STXBP5L: variants seen among roughly 807,000 people sequenced by gnomAD.
The protein encoded by STXBP5L is syntaxin-binding protein 5-like.
A neutral mutation model predicts 144.5 loss-of-function variants in STXBP5L; 65 were observed. The ratio of observed to expected loss-of-function variants is 0.45; its 90% CI spans 0.37 to 0.55. The LOEUF (loss-of-function observed/expected upper bound fraction) is 0.55, where lower values mean the gene tolerates loss of function less well. Among genes scored for constraint, STXBP5L ranks in the 20% least tolerant of loss-of-function variants. The pLI, the probability that STXBP5L is intolerant of heterozygous loss-of-function variation, is 0.00. For missense variants in STXBP5L, 1,298 were observed against 1,405.5 expected, an observed-to-expected ratio of 0.92 and a Z score of 1.22; for synonymous variants, 505 against 469.6, an observed-to-expected ratio of 1.08 and a Z score of -0.97.
At chr3:120,975,024 G>A (rs1430631627) in intron 3 of STXBP5L, among the ~76,000 whole-genome samples, 2 of 152,036 alleles carry the variant, frequency 1.3e-5, no homozygotes, top group South Asian at 2.1e-4. Context: ...TTGGCGATGC[G>A]GGCTCTTTTT....
At chr3:121,009,542 A>C (rs1332921537) in intron 3 of STXBP5L, among the ~76,000 whole-genome samples, 1 of 151,846 alleles carries the variant, frequency 6.6e-6, no homozygotes, top group East Asian at 1.9e-4. Flanking sequence ...TTACTGTACC[A>C]CCTTATGGAG....
chr3:121,302,531 G>A (rs994132851), intron 19 of STXBP5L, among the ~76,000 whole-genome samples: 2 of 151,932 alleles, frequency 1.3e-5, no homozygotes, highest in Non-Finnish European at 1.5e-5. Flanking sequence ...GGTTTTTTAT[G>A]TCTCTATCTC....
intron 5 of STXBP5L, among the ~76,000 whole-genome samples, chr3:121,088,154 A>C (rs1379156911): frequency 6.7e-6 from 1 of 150,366 alleles, no homozygotes; most frequent in East Asian, 1.9e-4. Flanking sequence ...GTGAACAGGC[A>C]AACTACAACA....
chr3:121,413,197 G>T lies in STXBP5L; in HGVS notation c.2988G>T (p.Leu996Phe), dbSNP rs750942555. ...SLRPMLDVNYLPLTDMRIART... is the reference protein window; with the variant it reads ...SLRPMLDVNYFPLTDMRIART... ...GCCCAATGTTGGATGTTAATTATTT[G>T]CCACTGACAGACATGAGGATAGCAC... The change falls in exon 24 of 27, where the codon TTG becomes TTT. Residue 996 changes from leucine (L) to phenylalanine (F), a missense_variant. By Grantham distance (22) the Leu-to-Phe change is conservative. Coordinates refer to ENST00000471454, the MANE Select transcript of STXBP5L (RefSeq NM_001308330.2). 4 of 1,605,502 alleles carry T rather than the reference G, an allele frequency of 2.5e-6. No homozygotes were observed. The highest frequency in any genetic ancestry group is 2.3e-5 in the East Asian group (1 of 44,380).
chr3:121,184,628 T>C, intron 9 of STXBP5L, among the ~76,000 whole-genome samples: 1 of 152,106 alleles, frequency 6.6e-6, no homozygotes, highest in Non-Finnish European at 1.5e-5. Context: ...GGAACCAAGT[T>C]GGAAAACACT....
chr3:120,935,397 T>A (rs1241930879), intron 2 of STXBP5L, among the ~76,000 whole-genome samples: 2 of 151,238 alleles, frequency 1.3e-5, no homozygotes, highest in Non-Finnish European at 3.0e-5. Flanking sequence ...AAAAAAAATC[T>A]GTTAGCTCAA....
chr3:121,041,925 G>T (rs1947185230), intron 4 of STXBP5L, 144 bp downstream of exon 4: 3 of 583,622 alleles, frequency 5.1e-6, no homozygotes, highest in Non-Finnish European at 3.0e-6. Context: ...TTTCACAAAA[G>T]ACTGTACTCC....
intron 3 of STXBP5L, among the ~76,000 whole-genome samples, chr3:120,978,399 C>G (rs1462927038): frequency 6.6e-6 from 1 of 152,214 alleles, no homozygotes; most frequent in Non-Finnish European, 1.5e-5. Context: ...GCTCCATCAG[C>G]TCCTTTAAGC....
At chr3:121,223,815 G>A (rs893660891) in intron 11 of STXBP5L, among the ~76,000 whole-genome samples, 2 of 152,036 alleles carry the variant, frequency 1.3e-5, no homozygotes, top group Admixed American at 1.3e-4. Context: ...TAATAATGTG[G>A]CCAGGTGTGG....
intron 8 of STXBP5L, among the ~76,000 whole-genome samples, chr3:121,154,625 G>A (rs2046051228): frequency 6.6e-6 from 1 of 151,234 alleles, no homozygotes; most frequent in Non-Finnish European, 1.5e-5. Flanking sequence ...ATACTTTCTA[G>A]TGTTTATATT....
chr3:121,014,862 AT>A (rs985616118), intron 3 of STXBP5L, among the ~76,000 whole-genome samples: 1 of 152,088 alleles, frequency 6.6e-6, no homozygotes, highest in Non-Finnish European at 1.5e-5. Flanking sequence ...TAATAATTAT[AT>A]TTTTATGTGA....
Position 120,934,377 on chromosome 3 carries a change from A to G in STXBP5L, c.190-20563A>G, listed in dbSNP as rs575375536. 1.4e-4 allele frequency among the ~76,000 whole-genome samples: 22 copies of G among 152,030 alleles called. No individual in the cohort carries two copies. In the East Asian group the frequency reaches 1.7e-3, roughly 12 times the overall value. ...TTAGAGCATACTTTGTTTGGTTTCT[A>G]TTCTTTTAAATTTGTTAAGGTATGT... On this transcript the variant is annotated intron_variant, in intron 2 of 26. Coordinates refer to ENST00000471454, the MANE Select transcript of STXBP5L (RefSeq NM_001308330.2).
intron 9 of STXBP5L, among the ~76,000 whole-genome samples, chr3:121,187,742 C>A (rs1296948065): frequency 2.0e-5 from 3 of 151,952 alleles, no homozygotes; most frequent in African/African-American, 7.3e-5. Context: ...AAGACATAGT[C>A]TGGCAAATTG....
intron 9 of STXBP5L, among the ~76,000 whole-genome samples, chr3:121,166,630 G>C (rs1003395912): frequency 1.3e-5 from 2 of 152,116 alleles, no homozygotes; most frequent in African/African-American, 4.8e-5. Flanking sequence ...TTTATTGGAA[G>C]TATAAAGCTG....
At chr3:121,161,008 A>G (rs1174564068) in intron 9 of STXBP5L, among the ~76,000 whole-genome samples, 1 of 152,066 alleles carries the variant, frequency 6.6e-6, no homozygotes. Context: ...CCTTTACGCT[A>G]TGGTTATCAT....
chr3:121,343,497 C>A (rs949159651), intron 20 of STXBP5L, among the ~76,000 whole-genome samples: 11 of 152,048 alleles, frequency 7.2e-5, no homozygotes, highest in Non-Finnish European at 1.5e-4. Context: ...ATCTAGAAAA[C>A]CCCATTGTCT....
intron 19 of STXBP5L, among the ~76,000 whole-genome samples, chr3:121,306,025 G>A (rs546095739): frequency 6.6e-5 from 10 of 152,266 alleles, no homozygotes; most frequent in African/African-American, 2.2e-4. Context: ...ACCATGTACA[G>A]GATAGACTTC....
chr3:121,112,519 C>A (rs1010938962), intron 5 of STXBP5L, among the ~76,000 whole-genome samples: 5 of 151,706 alleles, frequency 3.3e-5, no homozygotes, highest in Admixed American at 3.3e-4. Flanking sequence ...GTTGCCGGTG[C>A]GGGATTCACT....
chr3:121,027,255 G>T (rs1368311406), intron 3 of STXBP5L, among the ~76,000 whole-genome samples: 1 of 152,024 alleles, frequency 6.6e-6, no homozygotes. Flanking sequence ...AATACATTCT[G>T]AAAGAGAGTA....
Sources: gnomAD v4.1 joint callset for allele counts (sites outside exome capture counted in the v4.1 genomes callset) on GRCh38, gnomAD v4.1.1 for gene constraint, MANE v1.5 for transcripts, NCBI Gene and HGNC (gene_info 2026-07-23, HGNC 2026-07-21) for gene names.